The following NCOR1 variants were observed in gnomAD, a reference collection of about 807,000 sequenced individuals.
The protein encoded by NCOR1 is protein phosphatase 1, regulatory subunit 109.
NCOR1 carries 63 observed loss-of-function variants against 288.1 expected under a neutral mutation model. The ratio of observed to expected loss-of-function variants is 0.22; its 90% CI spans 0.18 to 0.27. The LOEUF is 0.27. Ranked by LOEUF, NCOR1 falls within the 10% of genes least tolerant of loss-of-function variation. The probability of loss-of-function intolerance (pLI) is 1.00; values close to 1 mark genes in which losing one functional copy is unlikely to be tolerated. For missense variants in NCOR1, 2,397 were observed against 3,019.2 expected (o/e 0.79, Z 4.83); for synonymous variants, 1,007 against 1,065.9 (o/e 0.94, Z 1.08).
chr17:16,098,137 C>T (rs1016637969), intron 21 of NCOR1, among the ~76,000 whole-genome samples: 1 of 152,158 alleles, frequency 6.6e-6, no homozygotes. Flanking sequence ...ATTAATTTCG[C>T]ATTCGAAAGA....
intron 7 of NCOR1, among the ~76,000 whole-genome samples, chr17:16,152,634 A>G (rs1413444404): frequency 6.6e-6 from 1 of 152,220 alleles, no homozygotes; most frequent in Non-Finnish European, 1.5e-5. Flanking sequence ...GTGTCTTTAC[A>G]GTAGCATGAT....
rs768242677 is a variant in NCOR1 at position 16,080,480 on chromosome 17, A to C, written c.3328T>G (p.Phe1110Val). Residue 1110 changes from phenylalanine to valine, a missense_variant, in exon 25 of 46, where the codon TTT (phenylalanine) becomes GTT (valine). Around this residue, in one of 11 missense-constraint regions of NCOR1, gnomAD observed 1,872 missense variants for 2,187.8 expected, o/e 0.86. Transcript: ENST00000268712. ...ATLPYIKQEE[F>V]SPRSQNSQPE... ...TGTGAGTTTTGGCTTCGGGGAGAAA[A>C]TTCTTCCTGCTTGATGTAGGGCAAA... 24 of 1,614,008 alleles carry C rather than the reference A, an allele frequency of 1.5e-5. No homozygotes were observed. The highest frequency in any genetic ancestry group is 3.4e-6 in the Non-Finnish European group (4 of 1,180,032).
chr17:16,138,122 A>C, intron 13 of NCOR1, 36 bp downstream of exon 13: 4 of 1,561,318 alleles, frequency 2.6e-6, no homozygotes, highest in Non-Finnish European at 3.5e-6. Flanking sequence ...AACCATCACA[A>C]ACCTACAAAC....
chr17:16,166,348 T>G (rs1323945646), intron 4 of NCOR1, among the ~76,000 whole-genome samples: 1 of 152,150 alleles, frequency 6.6e-6, no homozygotes, highest in Non-Finnish European at 1.5e-5. Flanking sequence ...ATCCTTGAGG[T>G]CATTGGCTTC....
chr17:16,032,813 CA>C (rs1485995916), intron 45 of NCOR1, among the ~76,000 whole-genome samples: 1 of 152,182 alleles, frequency 6.6e-6, no homozygotes, highest in Non-Finnish European at 1.5e-5. Context: ...CAGGTTATAG[CA>C]AGAGCTTTCT....
chr17:16,082,332 CAG>C (rs1171548274), intron 23 of NCOR1, among the ~76,000 whole-genome samples: 1 of 152,028 alleles, frequency 6.6e-6, no homozygotes, highest in East Asian at 1.9e-4. Context: ...GAGCAGGGAA[CAG>C]AAAATATTCC....
chr17:16,143,751 T>C (rs1314820570), intron 10 of NCOR1, 55 bp from the exon 11 acceptor site: 62 of 1,273,332 alleles, frequency 4.9e-5, no homozygotes, highest in Non-Finnish European at 4.4e-6. Flanking sequence ...TAAAGACATA[T>C]CAATTAAATT....
At chr17:16,033,021 T>G (rs958310001) in intron 45 of NCOR1, among the ~76,000 whole-genome samples, 1 of 152,162 alleles carries the variant, frequency 6.6e-6, no homozygotes, top group South Asian at 2.1e-4. Flanking sequence ...GATGTTTAAC[T>G]GTCCCCAGAA....
chr17:16,086,357 G>C lies in NCOR1; in HGVS notation c.3102C>G (p.Pro1034=). The C allele has an allele frequency of 6.2e-7, 1 of 1,614,094 alleles. No individual in the cohort carries two copies. Among genetic ancestry groups the C allele is most frequent in the Non-Finnish European group, 8.5e-7 (1 of 1,179,968 alleles). Residue 1034 remains proline (P), a synonymous_variant, in exon 23 of 46, where the codon CCC becomes CCG. Transcript: ENST00000268712. ...LPTTRPTRPP[P]PLIPSSKTTV... Reference sequence around the variant, plus strand: ...TGGTTTTGGATGACGGGATGAGAGGGGGCGGTGGCCTGGTTGGTCGAGTTG... The same window carrying C: ...TGGTTTTGGATGACGGGATGAGAGGCGGCGGTGGCCTGGTTGGTCGAGTTG...
intron 11 of NCOR1, among the ~76,000 whole-genome samples, chr17:16,141,921 G>T (rs990436657): frequency 6.6e-6 from 1 of 152,188 alleles, no homozygotes. Context: ...TTAACCTGCA[G>T]CTGGGCTTTA....
At chr17:16,111,328 C>A (rs2070110298) in intron 18 of NCOR1, among the ~76,000 whole-genome samples, 1 of 152,088 alleles carries the variant, frequency 6.6e-6, no homozygotes, top group Non-Finnish European at 1.5e-5. Flanking sequence ...ATGGCCAGAC[C>A]CAGTGGCTCA....
intron 18 of NCOR1, among the ~76,000 whole-genome samples, chr17:16,116,400 T>C (rs1254594227): frequency 2.0e-5 from 3 of 152,230 alleles, no homozygotes; most frequent in Non-Finnish European, 4.4e-5. Flanking sequence ...ACCACTGATC[T>C]CATCAGAAAA....
At chr17:16,204,894 G>T (rs896921830) in intron 1 of NCOR1, among the ~76,000 whole-genome samples, 1 of 152,214 alleles carries the variant, frequency 6.6e-6, no homozygotes, top group African/African-American at 2.4e-5. Context: ...CATTACAAAA[G>T]AATAGCTAGG....
intron 8 of NCOR1, among the ~76,000 whole-genome samples, chr17:16,150,349 T>C (rs530152647): frequency 6.6e-6 from 1 of 152,274 alleles, no homozygotes; most frequent in South Asian, 2.1e-4. Context: ...GTACATTTGC[T>C]ATTTCATACA....
intron 1 of NCOR1, among the ~76,000 whole-genome samples, chr17:16,205,703 C>T (rs1266144822): frequency 6.6e-6 from 1 of 151,404 alleles, no homozygotes; most frequent in Admixed American, 6.6e-5. Flanking sequence ...TTTGGGAGGC[C>T]AAGGTGGGTG....
Position 16,031,910 on chromosome 17 carries a change from A to G in NCOR1, c.*386T>C. On this transcript the variant is annotated 3_prime_UTR_variant, in exon 46 of 46. Transcript: ENST00000268712. ...CCCCAAAGTTGATGCGCTGATTTGAACATAAGTACACCAGATACTACAGCA... is the reference window on the plus strand; with the variant it reads ...CCCCAAAGTTGATGCGCTGATTTGAGCATAAGTACACCAGATACTACAGCA... The G allele has an allele frequency of 4.1e-6, 1 of 242,036 alleles. No individual in the cohort carries two copies. The highest frequency in any genetic ancestry group is 6.0e-5 in the East Asian group (1 of 16,630). The allele number at this position is 242,036 out of a possible 1,614,324, so 15.0% of individuals were successfully genotyped here. A position where few individuals can be genotyped will look rare whatever the true frequency, so the allele number is the denominator to read the frequency against.
At chr17:16,199,217 ACACACACAC>A (rs1433339757) in intron 1 of NCOR1, among the ~76,000 whole-genome samples, 2 of 41,028 alleles carry the variant, frequency 4.9e-5, no homozygotes, top group African/African-American at 1.1e-4. Context: ...AAAAAAAAAA[ACACACACAC>A]ACACACACAC....
chr17:16,048,297 T>C (rs2058907581), intron 41 of NCOR1, among the ~76,000 whole-genome samples: 1 of 152,146 alleles, frequency 6.6e-6, no homozygotes, highest in African/African-American at 2.4e-5. Flanking sequence ...ATGCGCAGCA[T>C]ACACCTGGTC....
At chr17:16,066,751 T>C (rs772528237) in intron 32 of NCOR1, among the ~76,000 whole-genome samples, 2 of 152,244 alleles carry the variant, frequency 1.3e-5, no homozygotes, top group African/African-American at 2.4e-5. Context: ...ACAAATAATT[T>C]GATGGCATTT....
Sources: allele counts gnomAD v4.1 joint callset (sites outside exome capture counted in the v4.1 genomes callset), GRCh38; gene constraint gnomAD v4.1.1; regional missense constraint gnomAD v4.1.1; transcripts MANE v1.5; gene names NCBI Gene and HGNC (gene_info 2026-07-23, HGNC 2026-07-21).